Variants in PPP2R2B observed in about 807,000 individuals in gnomAD.
The protein encoded by PPP2R2B is protein phosphatase 2 regulatory subunit Bbeta.
Under a neutral mutation model 46.0 loss-of-function variants are expected in PPP2R2B, and 5 were observed. That is an observed-to-expected ratio of 0.11 (90% confidence interval 0.06 to 0.23). The LOEUF (loss-of-function observed/expected upper bound fraction) is 0.23. Ranked by LOEUF, PPP2R2B falls within the 10% of genes least tolerant of loss-of-function variation. The probability of loss-of-function intolerance (pLI) is 1.00; values close to 1 mark genes in which losing one functional copy is unlikely to be tolerated. For synonymous variants in PPP2R2B, 215 were observed against 206.7 expected (o/e 1.04, Z -0.34); for missense variants, 367 against 575.0 (o/e 0.64, Z 3.70).
chr5:146,909,690 CT>C (rs1295410376), intron 1 of PPP2R2B, among the ~76,000 whole-genome samples: 1 of 152,226 alleles, frequency 6.6e-6, no homozygotes. Context: ...CGCATGTCCT[CT>C]GTGTCACATC....
upstream of PPP2R2B, among the ~76,000 whole-genome samples, chr5:147,059,387 A>G (rs1757191004): frequency 6.6e-6 from 1 of 152,220 alleles, no homozygotes; most frequent in Non-Finnish European, 1.5e-5. Flanking sequence ...GCAAATGAAG[A>G]GTTAGCAGTC....
intron 1 of PPP2R2B, among the ~76,000 whole-genome samples, chr5:147,044,711 C>A (rs1756473387): frequency 6.6e-6 from 1 of 152,090 alleles, no homozygotes; most frequent in Non-Finnish European, 1.5e-5. Flanking sequence ...GGCATCCTAA[C>A]CTTGGCTTGT....
intron 2 of PPP2R2B, among the ~76,000 whole-genome samples, chr5:146,783,841 A>T (rs182647176): frequency 6.6e-6 from 1 of 152,360 alleles, no homozygotes; most frequent in Admixed American, 6.5e-5. Context: ...CTACTGTCTG[A>T]TCGGGGGATA....
At chr5:146,700,615 T>A (rs564629410) in intron 3 of PPP2R2B, among the ~76,000 whole-genome samples, 1 of 152,296 alleles carries the variant, frequency 6.6e-6, no homozygotes, top group African/African-American at 2.4e-5. Flanking sequence ...CATTTTCTTC[T>A]CTGCTGTCCC....
chr5:146,859,523 A>G (rs1436424306), intron 2 of PPP2R2B, among the ~76,000 whole-genome samples: 2 of 152,220 alleles, frequency 1.3e-5, no homozygotes, highest in African/African-American at 4.8e-5. Context: ...TACCTGGGTA[A>G]CCAAATAATG....
At chr5:146,751,046 C>T (rs923238312) in intron 2 of PPP2R2B, among the ~76,000 whole-genome samples, 6 of 151,894 alleles carry the variant, frequency 4.0e-5, no homozygotes, top group African/African-American at 1.5e-4. Context: ...GGGATGGCTC[C>T]CCAAAGAAGT....
chr5:146,900,718 C>G (rs1411275989), intron 1 of PPP2R2B, among the ~76,000 whole-genome samples: 1 of 151,700 alleles, frequency 6.6e-6, no homozygotes, highest in Admixed American at 6.6e-5. Flanking sequence ...TTTGCTGTGC[C>G]CATCAACCCA....
chr5:147,067,044 A>T (rs1017230494), intron 2 of PPP2R2B, among the ~76,000 whole-genome samples: 2 of 152,226 alleles, frequency 1.3e-5, no homozygotes, highest in Admixed American at 1.3e-4. Context: ...CTAGACGGTC[A>T]GGAGGTTTTT....
At chr5:147,022,713 G>T (rs1755339493) in intron 1 of PPP2R2B, among the ~76,000 whole-genome samples, 1 of 151,724 alleles carries the variant, frequency 6.6e-6, no homozygotes, top group Admixed American at 6.6e-5. Context: ...TAAAAATAGG[G>T]GAAAAAAGTC....
chr5:146,943,787 A>G (rs976961818), intron 1 of PPP2R2B, among the ~76,000 whole-genome samples: 4 of 152,216 alleles, frequency 2.6e-5, no homozygotes, highest in African/African-American at 9.6e-5. Flanking sequence ...TGAAACAAGC[A>G]CTGTTTTCAG....
intron 2 of PPP2R2B, among the ~76,000 whole-genome samples, chr5:146,811,188 C>T (rs4705444): frequency 0.52 from 79,527 of 151,870 alleles, 21,553 homozygotes; most frequent in Non-Finnish European, 0.61. Context: ...TTAGCAGAGA[C>T]AGGGTTTCAC....
upstream of PPP2R2B, among the ~76,000 whole-genome samples, chr5:146,879,800 C>T (rs3806922): frequency 9.2e-5 from 14 of 152,280 alleles, no homozygotes; most frequent in East Asian, 2.3e-3. Flanking sequence ...ACATCAACCC[C>T]AATCAGTAGA....
upstream of PPP2R2B, chr5:146,879,070 G>A: frequency 3.3e-6 from 1 of 300,488 alleles, no homozygotes; most frequent in Non-Finnish European, 5.3e-6. Flanking sequence ...CTTGAGAACA[G>A]CAAAGAGAAG....
At position 146,580,797 on chromosome 5, in the gene PPP2R2B, G is replaced by C. The variant is rs1769857202; in HGVS notation, c.*9150C>G. On this transcript the variant is annotated 3_prime_UTR_variant, in exon 10 of 10. Transcript: ENST00000394411. Reference sequence around the variant, plus strand: ...ATAACATGGAAAAGCTATAATTACTGTTCTTGGTGAAGCCTCTCCAGAGTT... The same window carrying C: ...ATAACATGGAAAAGCTATAATTACTCTTCTTGGTGAAGCCTCTCCAGAGTT... Among the ~76,000 whole-genome samples the C allele has an allele frequency of 6.6e-6, 1 of 151,762 alleles. No individual in the cohort carries two copies. The highest frequency in any genetic ancestry group is 6.6e-5 in the Admixed American group (1 of 15,234).
chr5:146,793,463 T>C (rs1756337680), intron 2 of PPP2R2B, among the ~76,000 whole-genome samples: 1 of 152,210 alleles, frequency 6.6e-6, no homozygotes. Context: ...TACATAACAG[T>C]GGATCCAAGT....
rs1779284826 is a variant in PPP2R2B, at chr5:146,698,034, A to G, written c.279T>C (p.Asn93=). 1.9e-6 allele frequency: 3 copies of G among 1,613,550 alleles called. No individual in the cohort carries two copies. Among genetic ancestry groups the G allele is most frequent in the Non-Finnish European group, 2.5e-6 (3 of 1,179,802 alleles). ...LKSLEIEEKI[N]KIRWLPQQNA... ...TCTGCTGGGGGAGCCATCTTATTTT[A>G]TTGATTTTTTCTTCTATTTCTAAAC... Residue 93 remains asparagine (N), a synonymous_variant, in exon 4 of 10, where the codon AAT becomes AAC. Coordinates refer to ENST00000394411, the MANE Select transcript of PPP2R2B (RefSeq NM_181675.4).
intron 1 of PPP2R2B, among the ~76,000 whole-genome samples, chr5:147,018,036 TGCGCGC>T (rs140640188): frequency 0.016 from 246 of 15,566 alleles, 2 homozygotes; most frequent in South Asian, 0.036. Context: ...CACACATGCA[TGCGCGC>T]GCACACACAC....
At position 146,608,615 on chromosome 5, in the gene PPP2R2B, T is replaced by G. The variant is rs142003164; in HGVS notation, c.791-8155A>C. 0.018 allele frequency among the ~76,000 whole-genome samples: 2,721 copies of G among 152,078 alleles called. 184 individuals carry two copies. In the East Asian group the frequency reaches 0.23, roughly 13 times the overall value. ...CTCGAGACCAACCTGGCCAATATGG[T>G]GAAACCCCATCTCTACTAAAAATAC... is the stretch of plus-strand genomic sequence containing the variant. On this transcript the variant is annotated intron_variant, in intron 7 of 9. Transcript: ENST00000394411.
chr5:146,656,905 TCCTC>T (rs1157723190), intron 5 of PPP2R2B, among the ~76,000 whole-genome samples: 2 of 152,066 alleles, frequency 1.3e-5, no homozygotes, highest in Non-Finnish European at 2.9e-5. Flanking sequence ...CTTTGAGTCT[TCCTC>T]CCTCAGGTTC....
Sources: gnomAD v4.1 joint callset for allele counts (sites outside exome capture counted in the v4.1 genomes callset) on GRCh38, gnomAD v4.1.1 for gene constraint, MANE v1.5 for transcripts, NCBI Gene and HGNC (gene_info 2026-07-23, HGNC 2026-07-21) for gene names.